Variants in TACC1 observed in about 807,000 individuals in gnomAD.
TACC1 encodes transforming acidic coiled-coil containing protein 1.
Under a neutral mutation model 84.4 loss-of-function variants are expected in TACC1, and 48 were observed. The ratio of observed to expected loss-of-function variants is 0.57; its 90% CI spans 0.45 to 0.72. The LOEUF (loss-of-function observed/expected upper bound fraction) is 0.72, where lower values mean the gene tolerates loss of function less well. Among genes scored for constraint, TACC1 ranks in the 30% least tolerant of loss-of-function variants. The pLI is 0.00. For synonymous variants in TACC1, 372 were observed against 376.3 expected (o/e 0.99, Z 0.13); for missense variants, 920 against 973.0 (o/e 0.95, Z 0.72).
intron 3 of TACC1, among the ~76,000 whole-genome samples, chr8:38,772,161 G>T (rs1245711293): frequency 6.6e-6 from 1 of 152,150 alleles, no homozygotes; most frequent in East Asian, 1.9e-4. Context: ...CTTGGTGGTG[G>T]CTTATCATTT....
At chr8:38,822,257 A>AC (rs1174499208) in intron 3 of TACC1, among the ~76,000 whole-genome samples, 3 of 151,446 alleles carry the variant, frequency 2.0e-5, no homozygotes, top group African/African-American at 4.8e-5. Flanking sequence ...AAAAAAAAAA[A>AC]AAAAAAAAAC....
At chr8:38,790,642 GCA>G (rs1818424329) in intron 2 of TACC1, among the ~76,000 whole-genome samples, 1 of 152,172 alleles carries the variant, frequency 6.6e-6, no homozygotes, top group Admixed American at 6.5e-5. Flanking sequence ...TTATTGCTTA[GCA>G]ACTTCTTCGT....
chr8:38,843,465 TC>T, intron 11 of TACC1, 70 bp downstream of exon 11: 1 of 1,196,586 alleles, frequency 8.4e-7, no homozygotes. Flanking sequence ...GAAAACAAAA[TC>T]ACTGTTTCGC....
At chr8:38,821,894 C>A (rs559745459) in intron 3 of TACC1, among the ~76,000 whole-genome samples, 3 of 152,240 alleles carry the variant, frequency 2.0e-5, no homozygotes, top group Admixed American at 6.5e-5. Context: ...CAGCCTGTTA[C>A]TCCTAGGCTA....
intron 6 of TACC1, among the ~76,000 whole-genome samples, chr8:38,834,615 C>T (rs1442358297): frequency 2.0e-5 from 3 of 152,162 alleles, no homozygotes; most frequent in Non-Finnish European, 4.4e-5. Flanking sequence ...GCTGCTGGAA[C>T]ATGGGCACTG....
In TACC1 at chr8:38,847,942, A is replaced by G. The variant is rs1333023392; in HGVS notation, c.2350-13A>G. 4 of 1,612,858 alleles carry G rather than the reference A, an allele frequency of 2.5e-6. No homozygotes were observed. In the African/African-American group the frequency reaches 4.0e-5, roughly 16 times the overall value. ...ACAAAGTGGCCTGCATAATTATGTC[A>G]TTTGTCTTTCAGAACCAAGAAATTG... On this transcript the variant is annotated splice_polypyrimidine_tract_variant and intron_variant, in intron 12 of 12. Coordinates refer to ENST00000317827, the MANE Select transcript of TACC1 (RefSeq NM_006283.3).
intron 3 of TACC1, among the ~76,000 whole-genome samples, chr8:38,751,942 A>G: frequency 6.6e-6 from 1 of 152,136 alleles, no homozygotes; most frequent in South Asian, 2.1e-4. Flanking sequence ...CTCTATAAGT[A>G]TTACCCACTG....
intron 3 of TACC1, among the ~76,000 whole-genome samples, chr8:38,779,142 T>C (rs1482736153): frequency 6.6e-6 from 1 of 152,040 alleles, no homozygotes. Flanking sequence ...GCCTGGCTAC[T>C]TTTTAATTTT....
At chr8:38,783,080 ATCTATCTATCTATCTATC>A (rs1486621163), upstream of TACC1, among the ~76,000 whole-genome samples, 17 of 106,628 alleles carry the variant, frequency 1.6e-4, 1 homozygote, top group African/African-American at 7.5e-4. Flanking sequence ...CTATCTATCT[ATCTATCTATCTATCTATC>A]TATCTATCTA....
intron 2 of TACC1, among the ~76,000 whole-genome samples, chr8:38,743,292 T>TTGAATGAATGAATGAA (rs3076913): frequency 2.0e-5 from 3 of 150,926 alleles, no homozygotes; most frequent in South Asian, 2.1e-4. Context: ...TATATATTTG[T>TTGAATGAATGAATGAA]TGAATGAATG....
intron 3 of TACC1, among the ~76,000 whole-genome samples, chr8:38,763,125 G>A (rs1014361481): frequency 1.3e-5 from 2 of 152,142 alleles, no homozygotes; most frequent in East Asian, 1.9e-4. Flanking sequence ...CAATGGGTGC[G>A]AAGTGGTATC....
At chr8:38,731,216 G>A (rs969690197) in intron 1 of TACC1, among the ~76,000 whole-genome samples, 3 of 152,168 alleles carry the variant, frequency 2.0e-5, no homozygotes, top group African/African-American at 7.2e-5. Flanking sequence ...CAGGATTACA[G>A]GCGTGAGCCA....
upstream of TACC1, among the ~76,000 whole-genome samples, chr8:38,786,665 G>C (rs1025334938): frequency 1.3e-5 from 2 of 152,090 alleles, no homozygotes; most frequent in African/African-American, 4.8e-5. Context: ...TTTGGGGAGG[G>C]GGAGGGCATC....
chr8:38,825,177 G>T, intron 3 of TACC1, 131 bp from the exon 4 acceptor site: 1 of 915,708 alleles, frequency 1.1e-6, no homozygotes, highest in Non-Finnish European at 1.8e-6. Context: ...CTCTCCTGCG[G>T]CGATGTATGA....
Position 38,820,246 on chromosome 8 carries a change from G to C in TACC1, c.1002G>C (p.Arg334Ser), listed in dbSNP as rs978561984. The change falls in exon 3 of 13, where the codon AGG (arginine) becomes AGC (serine). Residue 334 changes from arginine (R) to serine (S), a missense_variant. Arg to Ser is a moderately radical substitution (Grantham distance 110). Around this residue, in one of 2 missense-constraint regions of TACC1, gnomAD observed 762 missense variants for 747.3 expected, o/e 1.02. Transcript: ENST00000317827. The stretch of plus-strand genomic sequence containing the variant: ...AAGATACAGGAAACATAGAGGCCAG[G>C]AAAGCCCTTCCAAGGAAGCTTGGCA... ...FTEDTGNIEA[R>S]KALPRKLGRK... The C allele has an allele frequency of 2.5e-6, 4 of 1,614,146 alleles. No homozygotes were observed. In the East Asian group the frequency reaches 6.7e-5, roughly 27 times the overall value.
At chr8:38,798,806 G>A (rs1016274802) in intron 2 of TACC1, among the ~76,000 whole-genome samples, 2 of 152,130 alleles carry the variant, frequency 1.3e-5, no homozygotes, top group African/African-American at 4.8e-5. Context: ...GAGCTATGCA[G>A]CCCATACCCT....
chr8:38,763,228 A>T (rs905791243), intron 3 of TACC1, among the ~76,000 whole-genome samples: 3 of 152,014 alleles, frequency 2.0e-5, no homozygotes, highest in Non-Finnish European at 2.9e-5. Context: ...TAGCACACTG[A>T]AGCCTTGAAC....
intron 1 of TACC1, among the ~76,000 whole-genome samples, chr8:38,730,776 C>G (rs934626241): frequency 6.6e-6 from 1 of 152,254 alleles, no homozygotes; most frequent in Middle Eastern, 3.4e-3. Context: ...TGAGAATAGG[C>G]TGGGAGGAGC....
chr8:38,783,372 TA>T (rs1816520928), upstream of TACC1, among the ~76,000 whole-genome samples: 1 of 151,692 alleles, frequency 6.6e-6, no homozygotes, highest in African/African-American at 2.4e-5. Context: ...AAGTCTTTAA[TA>T]AATGCAGTTT....
Sources: allele counts gnomAD v4.1 joint callset (sites outside exome capture counted in the v4.1 genomes callset), GRCh38; gene constraint gnomAD v4.1.1; regional missense constraint gnomAD v4.1.1; transcripts MANE v1.5; gene names NCBI Gene and HGNC (gene_info 2026-07-23, HGNC 2026-07-21).